The following CLVS1 variants were observed in gnomAD, a reference collection of about 807,000 sequenced individuals.
CLVS1 encodes the protein clavesin-1.
CLVS1 carries 10 observed loss-of-function variants against 33.1 expected under a neutral mutation model. The ratio of observed to expected loss-of-function variants is 0.30; its 90% CI spans 0.19 to 0.51. CLVS1 has a LOEUF of 0.51. CLVS1 is among the 20% of genes least tolerant of loss of function. The probability of loss-of-function intolerance (pLI) is 0.97; values close to 1 mark genes in which losing one functional copy is unlikely to be tolerated. For synonymous variants in CLVS1, 163 were observed against 166.1 expected (o/e 0.98, Z 0.14); for missense variants, 343 against 433.4 (o/e 0.79, Z 1.85).
chr8:61,256,765 G>T (rs1165506709), intron 2 of CLVS1, among the ~76,000 whole-genome samples: 1 of 152,116 alleles, frequency 6.6e-6, no homozygotes, highest in African/African-American at 2.4e-5. Context: ...TATGCATTTT[G>T]CTTATGAGAA....
At chr8:61,426,546 C>A (rs1321993383) in intron 3 of CLVS1, among the ~76,000 whole-genome samples, 1 of 152,150 alleles carries the variant, frequency 6.6e-6, no homozygotes, top group Non-Finnish European at 1.5e-5. Flanking sequence ...TAGGTTGAAT[C>A]ACCTTTTCTC....
chr8:61,123,553 A>AT (rs979066434), intron 1 of CLVS1, among the ~76,000 whole-genome samples: 13 of 152,246 alleles, frequency 8.5e-5, no homozygotes, highest in African/African-American at 2.2e-4. Flanking sequence ...TAAAATCCTA[A>AT]TTTTTTCCCC....
At chr8:61,408,524 G>A (rs752114761) in intron 3 of CLVS1, among the ~76,000 whole-genome samples, 2 of 152,154 alleles carry the variant, frequency 1.3e-5, no homozygotes, top group African/African-American at 2.4e-5. Flanking sequence ...CACCAGGCCA[G>A]GGGACTGGGT....
At chr8:61,449,562 T>C (rs914216588) in intron 3 of CLVS1, among the ~76,000 whole-genome samples, 1 of 152,216 alleles carries the variant, frequency 6.6e-6, no homozygotes, top group African/African-American at 2.4e-5. Context: ...TTTTTTCCTG[T>C]GATGTTTGAC....
the CLVS1 span, among the ~76,000 whole-genome samples, chr8:60,985,148 A>G: frequency 5.9e-5 from 9 of 152,222 alleles, no homozygotes; most frequent in African/African-American, 1.9e-4. Flanking sequence ...AATTAACTAC[A>G]CACTGTGCAT....
At chr8:60,977,767 T>C in the CLVS1 span, among the ~76,000 whole-genome samples, 1 of 152,212 alleles carries the variant, frequency 6.6e-6, no homozygotes, top group Non-Finnish European at 1.5e-5. Flanking sequence ...GGCTGAAAAC[T>C]TTCCTAATCT....
At chr8:61,046,462 A>G in the CLVS1 span, among the ~76,000 whole-genome samples, 19,829 of 136,418 alleles carry the variant, frequency 0.15, 2,124 homozygotes, top group African/African-American at 0.3. Context: ...GGATTGACTT[A>G]GTGATGCAGG....
At chr8:61,233,015 A>G (rs1808479308) in intron 2 of CLVS1, among the ~76,000 whole-genome samples, 1 of 152,210 alleles carries the variant, frequency 6.6e-6, no homozygotes, top group Non-Finnish European at 1.5e-5. Flanking sequence ...TTTTTTAAGC[A>G]TATCTGAAGA....
the CLVS1 span, among the ~76,000 whole-genome samples, chr8:61,015,800 G>A: frequency 1.3e-5 from 2 of 152,260 alleles, no homozygotes; most frequent in South Asian, 4.2e-4. Context: ...GAGCTTATTG[G>A]TAGAAAAATG....
chr8:61,140,242 G>T (rs943308063), intron 2 of CLVS1, among the ~76,000 whole-genome samples: 1 of 152,188 alleles, frequency 6.6e-6, no homozygotes, highest in Non-Finnish European at 1.5e-5. Context: ...GTTCCCCAGC[G>T]TGCTTTATTT....
intron 4 of CLVS1, among the ~76,000 whole-genome samples, chr8:61,456,266 T>C (rs11991141): frequency 0.17 from 25,372 of 152,148 alleles, 5,878 homozygotes; most frequent in African/African-American, 0.53. Context: ...ACTCTTTGTC[T>C]TTCAAAAACT....
intron 2 of CLVS1, among the ~76,000 whole-genome samples, chr8:61,351,377 A>C (rs764550558): frequency 6.6e-6 from 1 of 152,100 alleles, no homozygotes. Context: ...ACAGATCAAT[A>C]GAATTTACCC....
At chr8:61,334,491 G>A (rs1441292610) in intron 2 of CLVS1, among the ~76,000 whole-genome samples, 3 of 152,144 alleles carry the variant, frequency 2.0e-5, no homozygotes, top group South Asian at 2.1e-4. Context: ...GAACACAAAG[G>A]GCAAGGGATT....
chr8:61,342,423 C>T (rs967046850), intron 2 of CLVS1, among the ~76,000 whole-genome samples: 6 of 151,450 alleles, frequency 4.0e-5, no homozygotes, highest in Non-Finnish European at 8.8e-5. Context: ...TGCCTATATC[C>T]GCTCTACACA....
intron 2 of CLVS1, among the ~76,000 whole-genome samples, chr8:61,317,865 A>G (rs950319732): frequency 5.4e-5 from 8 of 149,488 alleles, no homozygotes; most frequent in African/African-American, 2.0e-4. Context: ...TTGTATCATT[A>G]TTCAACACCA....
intron 2 of CLVS1, among the ~76,000 whole-genome samples, chr8:61,356,527 C>G (rs1346468743): frequency 6.6e-6 from 1 of 151,302 alleles, no homozygotes; most frequent in African/African-American, 2.4e-5. Context: ...AGGTTTTCTT[C>G]TAGGGTTTTT....
chr8:61,361,078 C>T (rs1290942041), intron 2 of CLVS1, among the ~76,000 whole-genome samples: 1 of 152,064 alleles, frequency 6.6e-6, no homozygotes, highest in African/African-American at 2.4e-5. Flanking sequence ...GGGTGCTACA[C>T]ACTTTTAAAC....
intron 2 of CLVS1, among the ~76,000 whole-genome samples, chr8:61,175,891 A>C (rs1463102944): frequency 2.0e-5 from 3 of 152,200 alleles, no homozygotes; most frequent in Non-Finnish European, 4.4e-5. Flanking sequence ...AGAGAGTGCC[A>C]TCTCAGCTCA....
chr8:61,433,622 G>C (rs760436070), intron 3 of CLVS1, among the ~76,000 whole-genome samples: 2 of 152,132 alleles, frequency 1.3e-5, no homozygotes, highest in Non-Finnish European at 2.9e-5. Context: ...CATACCAGGA[G>C]CGTCTGACTC....
Sources: gnomAD v4.1 joint callset for allele counts (sites outside exome capture counted in the v4.1 genomes callset) on GRCh38, gnomAD v4.1.1 for gene constraint, MANE v1.5 for transcripts, NCBI Gene and HGNC (gene_info 2026-07-23, HGNC 2026-07-21) for gene names.